Variants in RFX4 observed in about 807,000 individuals in gnomAD.
RFX4 encodes the protein transcription factor RFX4.
A neutral mutation model predicts 95.0 loss-of-function variants in RFX4; 10 were observed. That is an observed-to-expected ratio of 0.11 (90% CI 0.06 to 0.18). RFX4 has a LOEUF of 0.18. RFX4 is among the 10% of genes least tolerant of loss of function. The pLI, the probability that RFX4 is intolerant of heterozygous loss-of-function variation, is 1.00. For missense variants in RFX4, 640 were observed against 922.0 expected, an observed-to-expected ratio of 0.69 and a Z score of 3.96; for synonymous variants, 321 against 340.7, an observed-to-expected ratio of 0.94 and a Z score of 0.64.
At chr12:106,689,450 C>A in intron 7 of RFX4, 86 bp downstream of exon 7, 1 of 1,090,706 alleles carries the variant, frequency 9.2e-7, no homozygotes, top group Non-Finnish European at 1.4e-6. Flanking sequence ...CTGCTAGGTG[C>A]CAGGCCTGGC....
chr12:106,634,111 T>G (rs1320565987), intron 2 of RFX4, among the ~76,000 whole-genome samples: 1 of 152,252 alleles, frequency 6.6e-6, no homozygotes, highest in Non-Finnish European at 1.5e-5. Context: ...TTCCCTCTGT[T>G]GAGAGGAGCT....
chr12:106,611,515 C>CT (rs60164967), intron 2 of RFX4, among the ~76,000 whole-genome samples: 15,219 of 140,320 alleles, frequency 0.11, 932 homozygotes, highest in Middle Eastern at 0.15. Context: ...CAGCTTTATT[C>CT]TTTTTTTTTT....
chr12:106,733,219 C>T (rs2042646926), intron 15 of RFX4, 134 bp downstream of exon 15: 2 of 926,484 alleles, frequency 2.2e-6, no homozygotes, highest in Admixed American at 2.2e-5. Context: ...ACCTGTAGTC[C>T]CAGCTACTTG....
At chr12:106,739,429 C>A (rs2042768535) in intron 15 of RFX4, among the ~76,000 whole-genome samples, 1 of 151,956 alleles carries the variant, frequency 6.6e-6, no homozygotes, top group Non-Finnish European at 1.5e-5. Context: ...TGGCACAAAG[C>A]TAAAATTAAT....
At position 106,715,503 on chromosome 12, in the gene RFX4, T is replaced by C. The variant is rs1283917655; in HGVS notation, c.1097T>C (p.Met366Thr). The C allele has an allele frequency of 3.1e-6, 5 of 1,614,078 alleles. No homozygotes were observed. The highest frequency in any genetic ancestry group is 2.7e-5 in the African/African-American group (2 of 74,922). The change falls in exon 11 of 18, where the codon ATG becomes ACG. Residue 366 changes from methionine (M) to threonine (T), a missense_variant. This residue lies in a region of RFX4 where 72 missense variants were observed against 80.5 expected (regional missense o/e 0.89). Transcript: ENST00000392842. ...NSITKQTLYT[M>T]EDSRDEHRKL... ...ATCACCAAGCAAACCCTTTACACCA[T>C]GGAAGACTCTCGCGATGAGCACCGG... is the stretch of plus-strand genomic sequence containing the variant.
intron 13 of RFX4, among the ~76,000 whole-genome samples, chr12:106,724,779 T>C (rs2042459925): frequency 6.6e-6 from 1 of 152,088 alleles, no homozygotes; most frequent in African/African-American, 2.4e-5. Context: ...CCTAGCACTT[T>C]GGGAGGTGGA....
At chr12:106,616,230 C>T (rs1030504554) in intron 2 of RFX4, among the ~76,000 whole-genome samples, 2 of 152,086 alleles carry the variant, frequency 1.3e-5, no homozygotes, top group African/African-American at 4.8e-5. Context: ...ATATTTTTCT[C>T]CTTTATTCTA....
chr12:106,599,800 G>T (rs1424255942), intron 1 of RFX4, among the ~76,000 whole-genome samples: 1 of 151,820 alleles, frequency 6.6e-6, no homozygotes, highest in Admixed American at 6.6e-5. Flanking sequence ...AGTAAGTCTC[G>T]GTTTGCCTGG....
At chr12:106,650,405 C>T (rs1196302665) in intron 3 of RFX4, among the ~76,000 whole-genome samples, 1 of 152,154 alleles carries the variant, frequency 6.6e-6, no homozygotes, top group Non-Finnish European at 1.5e-5. Context: ...GTGTTGAAGT[C>T]AAATCTCTTA....
At chr12:106,633,770 A>G (rs2040461392) in intron 2 of RFX4, among the ~76,000 whole-genome samples, 1 of 152,236 alleles carries the variant, frequency 6.6e-6, no homozygotes, top group Admixed American at 6.5e-5. Context: ...CTGATATAAC[A>G]AAGGCAGTAT....
intron 4 of RFX4, among the ~76,000 whole-genome samples, chr12:106,675,055 A>T (rs1420646539): frequency 6.6e-6 from 1 of 152,220 alleles, no homozygotes; most frequent in Non-Finnish European, 1.5e-5. Flanking sequence ...GTCAAAGAAT[A>T]CAAACTTTCA....
chr12:106,731,078 G>A (rs2042604014), intron 13 of RFX4, among the ~76,000 whole-genome samples: 1 of 152,192 alleles, frequency 6.6e-6, no homozygotes, highest in African/African-American at 2.4e-5. Context: ...CTTGGAGAGA[G>A]GTGAGAAGTT....
intron 15 of RFX4, among the ~76,000 whole-genome samples, chr12:106,743,679 AG>A (rs1242569769): frequency 6.6e-6 from 1 of 152,230 alleles, no homozygotes; most frequent in Non-Finnish European, 1.5e-5. Flanking sequence ...AATAAGGAAC[AG>A]TTGCTGTGCT....
chr12:106,612,393 T>A (rs2039978553), intron 2 of RFX4, among the ~76,000 whole-genome samples: 1 of 152,244 alleles, frequency 6.6e-6, no homozygotes, highest in African/African-American at 2.4e-5. Flanking sequence ...TTTCTTAATT[T>A]CCTTTTCAGA....
intron 2 of RFX4, among the ~76,000 whole-genome samples, chr12:106,636,126 G>A (rs959486743): frequency 3.3e-5 from 5 of 152,132 alleles, no homozygotes; most frequent in African/African-American, 1.2e-4. Context: ...TTGAGCAGAA[G>A]GGATGGATGT....
Position 106,733,013 on chromosome 12 carries a change from T to A in RFX4, c.1561T>A (p.Ser521Thr). The A allele has an allele frequency of 6.2e-7, 1 of 1,614,174 alleles. No individual in the cohort carries two copies. The highest frequency in any genetic ancestry group is 1.1e-5 in the South Asian group (1 of 91,082). ...PSFSPAKSAT[S>T]VEVPPPSSPV... ...GTTTTCTCCAGCAAAATCTGCCACATCTGTGGAAGTGCCACCTCCCTCTTC... is the reference window on the plus strand; with the variant it reads ...GTTTTCTCCAGCAAAATCTGCCACAACTGTGGAAGTGCCACCTCCCTCTTC... The change falls in exon 15 of 18, where the codon TCT becomes ACT. Residue 521 changes from serine (S) to threonine (T), a missense_variant. This residue lies in a region of RFX4 where 300 missense variants were observed against 346.8 expected (regional missense o/e 0.87). Transcript: ENST00000392842.
chr12:106,709,426 C>T lies in RFX4; in HGVS notation c.930C>T (p.Phe310=), dbSNP rs1448975186. Residue 310 remains phenylalanine, a synonymous_variant, in exon 9 of 18, where the codon TTC becomes TTT. Transcript: ENST00000392842. ...CAGAAAACTTGCGAAACATCAAGTT[C>T]GAATGTAAGTACTGAGTTGAGAGCG... ...DLPENLRNIK[F]ELSRRFSQIL... The T allele has an allele frequency of 1.8e-5, 29 of 1,610,566 alleles. No homozygotes were observed. In the Admixed American group the frequency reaches 3.9e-4, roughly 22 times the overall value.
rs528301986 is a variant in RFX4 at position 106,687,455 on chromosome 12, G to A, written c.591+358G>A. Among the ~76,000 whole-genome samples, 15 of 151,564 alleles carry A rather than the reference G, an allele frequency of 9.9e-5. No individual in the cohort carries two copies. The East Asian group carries it at 1.9e-3, about 20-fold the overall frequency. Reference sequence around the variant, plus strand: ...TGTAATTCCAGCTGGAGGCTGAGGCGGGAGAATTGCTTGAACCTGGGAGGC... The same window carrying A: ...TGTAATTCCAGCTGGAGGCTGAGGCAGGAGAATTGCTTGAACCTGGGAGGC... On this transcript the variant is annotated intron_variant, in intron 6 of 17. Coordinates refer to ENST00000392842, the MANE Select transcript of RFX4 (RefSeq NM_213594.3).
chr12:106,748,975 C>G (rs1455501930), intron 16 of RFX4, among the ~76,000 whole-genome samples: 1 of 151,926 alleles, frequency 6.6e-6, no homozygotes, highest in Non-Finnish European at 1.5e-5. Context: ...GTCCCAGCTA[C>G]TCGTGAGGCT....
Sources: allele counts gnomAD v4.1 joint callset (sites outside exome capture counted in the v4.1 genomes callset), GRCh38; gene constraint gnomAD v4.1.1; regional missense constraint gnomAD v4.1.1; transcripts MANE v1.5; gene names NCBI Gene and HGNC (gene_info 2026-07-23, HGNC 2026-07-21).